The following PPP4R1 variants were observed in gnomAD, a reference collection of about 807,000 sequenced individuals.
The protein encoded by PPP4R1 is serine/threonine-protein phosphatase 4 regulatory subunit 1.
Under a neutral mutation model 111.2 loss-of-function variants are expected in PPP4R1, and 42 were observed. That is an observed-to-expected ratio of 0.38 (90% CI 0.29 to 0.49). The LOEUF is 0.49. Among genes scored for constraint, PPP4R1 ranks in the 20% least tolerant of loss-of-function variants. The pLI is 0.97. For synonymous variants in PPP4R1, 409 were observed against 405.5 expected (o/e 1.01, Z -0.10); for missense variants, 1,012 against 1,161.6 (o/e 0.87, Z 1.87).
upstream of PPP4R1, among the ~76,000 whole-genome samples, chr18:9,615,633 C>G (rs1405995416): frequency 1.3e-5 from 2 of 152,190 alleles, no homozygotes; most frequent in Non-Finnish European, 2.9e-5. Flanking sequence ...CTCCATGGCT[C>G]TATCTCCAGC....
At position 9,547,675 on chromosome 18, in the gene PPP4R1, G is replaced by T; in HGVS notation, c.*114C>A. ...GCAACTTGCACCTGCAATGAAGTCC[G>T]CAGGAGAGGAAGGTCTCTCCTCCCC... On this transcript the variant is annotated 3_prime_UTR_variant, in exon 20 of 20. Transcript: ENST00000400556. 1.5e-6 allele frequency: 2 copies of T among 1,322,972 alleles called. No individual in the cohort carries two copies. Among genetic ancestry groups the T allele is most frequent in the African/African-American group, 1.5e-5 (1 of 68,530 alleles). The allele number at this position is 1,322,972 out of a possible 1,614,324, so 82.0% of individuals were successfully genotyped here. A position where few individuals can be genotyped will look rare whatever the true frequency, so the allele number is the denominator to read the frequency against.
intron 19 of PPP4R1, 33 bp from the exon 20 acceptor site, chr18:9,547,985 C>T: frequency 1.2e-6 from 2 of 1,606,302 alleles, no homozygotes; most frequent in African/African-American, 1.3e-5. Flanking sequence ...ACAGATGAAA[C>T]CAGTCCAACG....
chr18:9,554,376 G>A (rs960015009), intron 15 of PPP4R1, among the ~76,000 whole-genome samples: 7 of 151,938 alleles, frequency 4.6e-5, no homozygotes, highest in African/African-American at 1.2e-4. Context: ...TGATCCGCTC[G>A]CCTTGGCCTC....
chr18:9,561,201 AGAGT>A (rs1178849707), intron 13 of PPP4R1, among the ~76,000 whole-genome samples: 3 of 148,328 alleles, frequency 2.0e-5, no homozygotes, highest in Non-Finnish European at 4.5e-5. Context: ...CCTGGGTGAC[AGAGT>A]GAGACTCCAT....
chr18:9,573,434 T>C (rs2066891813), intron 10 of PPP4R1, among the ~76,000 whole-genome samples: 1 of 152,236 alleles, frequency 6.6e-6, no homozygotes, highest in Admixed American at 6.5e-5. Flanking sequence ...TACATGGATA[T>C]ATGAAGTTCT....
intron 9 of PPP4R1, 98 bp downstream of exon 9, chr18:9,583,019 T>A: frequency 9.2e-7 from 1 of 1,083,072 alleles, no homozygotes; most frequent in South Asian, 2.6e-5. Context: ...AAATAATATA[T>A]CTTAAATTAT....
rs753012553 is a variant in PPP4R1, at chr18:9,547,747, C to T, written c.*42G>A. On this transcript the variant is annotated 3_prime_UTR_variant, in exon 20 of 20. Coordinates refer to ENST00000400556, the MANE Select transcript of PPP4R1 (RefSeq NM_001042388.3). ...TGCGTGGCGAATGCCCACTGAACCT[C>T]GGCTCTCATGGAAGCAGGAAAGACA... is the stretch of plus-strand genomic sequence containing the variant. 15 of 1,606,082 alleles carry T rather than the reference C, an allele frequency of 9.3e-6. No homozygotes were observed. The highest frequency in any genetic ancestry group is 3.3e-5 in the Admixed American group (2 of 59,948).
intron 12 of PPP4R1, 115 bp downstream of exon 12, chr18:9,563,263 A>T (rs2066706818): frequency 7.6e-7 from 1 of 1,322,384 alleles, no homozygotes; most frequent in South Asian, 1.5e-5. Flanking sequence ...AGAGCTAAAA[A>T]ATCAGCAACA....
At position 9,613,764 on chromosome 18, in the gene PPP4R1, C is replaced by A. The variant is rs566491571; in HGVS notation, c.52+462G>T. 1.7e-3 allele frequency: 256 copies of A among 152,614 alleles called. 4 individuals carry two copies. The highest frequency in any genetic ancestry group is 1.8e-3 in the Non-Finnish European group (123 of 68,264). 9.5% of individuals were successfully genotyped at this position (152,614 alleles called of 1,614,324 possible). On this transcript the variant is annotated intron_variant, in intron 2 of 19. Transcript: ENST00000400556. ...GGGTCGGGGAGCCCAGACGGCTAGC[C>A]GGGGCCCAGGCTGACCCCCGGGCGC...
intron 2 of PPP4R1, among the ~76,000 whole-genome samples, chr18:9,597,916 A>G (rs956203518): frequency 6.6e-6 from 1 of 152,176 alleles, no homozygotes. Context: ...AAGAACATTG[A>G]AAGTTATTTT....
chr18:9,566,281 A>G (rs144170022), intron 11 of PPP4R1, among the ~76,000 whole-genome samples: 7 of 152,236 alleles, frequency 4.6e-5, no homozygotes, highest in African/African-American at 9.6e-5. Context: ...CTAGCTAAAG[A>G]GAAGTCAATG....
chr18:9,611,884 G>C (rs373657479), intron 2 of PPP4R1, among the ~76,000 whole-genome samples: 1 of 152,070 alleles, frequency 6.6e-6, no homozygotes, highest in Non-Finnish European at 1.5e-5. Flanking sequence ...GGTGGCACAC[G>C]CCTGTAATCC....
At chr18:9,594,833 T>C (rs2067266607) in intron 3 of PPP4R1, 185 bp downstream of exon 3, 1 of 584,680 alleles carries the variant, frequency 1.7e-6, no homozygotes, top group East Asian at 3.2e-5. Flanking sequence ...GCATGTTGTA[T>C]GCTTACTAGG....
At chr18:9,590,094 C>G (rs774075283) in intron 4 of PPP4R1, 1 of 152,108 alleles carries the variant, frequency 6.6e-6, no homozygotes, top group Admixed American at 6.5e-5. Context: ...GAAATACAGA[C>G]AGACATGATG....
At chr18:9,606,934 T>TC (rs1377664150) in intron 2 of PPP4R1, among the ~76,000 whole-genome samples, 3 of 152,208 alleles carry the variant, frequency 2.0e-5, no homozygotes, top group African/African-American at 4.8e-5. Context: ...TAACCTTTTT[T>TC]CCCACAGGTA....
rs2066425764 is a variant in PPP4R1 at position 9,547,956 on chromosome 18, G to A, written c.2690-4C>T. The A allele has an allele frequency of 1.2e-6, 2 of 1,613,696 alleles. No homozygotes were observed. The highest frequency in any genetic ancestry group is 1.7e-6 in the Non-Finnish European group (2 of 1,179,966). On this transcript the variant is annotated splice_polypyrimidine_tract_variant and splice_region_variant and intron_variant, in intron 19 of 19. Coordinates refer to ENST00000400556, the MANE Select transcript of PPP4R1 (RefSeq NM_001042388.3). ...CTGGCAGAGGCCAAGAAATAGTCTG[G>A]AAATGACATGTGCATAGGACAGATG...
intron 2 of PPP4R1, among the ~76,000 whole-genome samples, chr18:9,604,584 T>C (rs1306132620): frequency 2.0e-5 from 3 of 152,160 alleles, no homozygotes; most frequent in Non-Finnish European, 4.4e-5. Flanking sequence ...TCTAACCTCA[T>C]CTCAGCTTAA....
At chr18:9,562,904 G>C in intron 12 of PPP4R1, 1 of 987,024 alleles carries the variant, frequency 1.0e-6, no homozygotes, top group Non-Finnish European at 1.2e-6. Flanking sequence ...TGAAGATGAT[G>C]CTAGGATCAG....
intron 12 of PPP4R1, among the ~76,000 whole-genome samples, chr18:9,562,569 A>T (rs1381254611): frequency 2.0e-5 from 3 of 152,216 alleles, no homozygotes; most frequent in African/African-American, 7.2e-5. Context: ...AATCTCCAAT[A>T]AATAGTCAGG....
Sources: gnomAD v4.1 joint callset for allele counts (sites outside exome capture counted in the v4.1 genomes callset) on GRCh38, gnomAD v4.1.1 for gene constraint, MANE v1.5 for transcripts, NCBI Gene and HGNC (gene_info 2026-07-23, HGNC 2026-07-21) for gene names.